The following NIPSNAP2 variants were observed in gnomAD, a reference collection of about 807,000 sequenced individuals.
The protein encoded by NIPSNAP2 is protein NipSnap homolog 2.
Under a neutral mutation model 48.4 loss-of-function variants are expected in NIPSNAP2, and 42 were observed. The observed-to-expected ratio is 0.87, with a 90% confidence interval of 0.68 to 1.12. The LOEUF (loss-of-function observed/expected upper bound fraction) is 1.12. Among genes scored for constraint, NIPSNAP2 ranks in the 50% most tolerant of loss-of-function variants. The pLI is 0.00. For missense variants in NIPSNAP2, 314 were observed against 347.3 expected, an observed-to-expected ratio of 0.90 and a Z score of 0.76; for synonymous variants, 158 against 126.6, an observed-to-expected ratio of 1.25 and a Z score of -1.67.
Position 55,970,754 on chromosome 7 carries a change from C to T in NIPSNAP2, c.92+6053C>T, listed in dbSNP as rs540847733. 2.0e-4 allele frequency among the ~76,000 whole-genome samples: 31 copies of T among 152,270 alleles called. No individual in the cohort carries two copies. In the South Asian group the frequency reaches 6.4e-3, roughly 32 times the overall value. On this transcript the variant is annotated intron_variant, in intron 1 of 9. Transcript: ENST00000322090. ...ATTCCAGACATATGCCATTCAGTGTCATGACTCCATGTCCCTGTACATGTT... is the reference window on the plus strand; with the variant it reads ...ATTCCAGACATATGCCATTCAGTGTTATGACTCCATGTCCCTGTACATGTT...
chr7:55,993,448 G>A (rs191888691), intron 7 of NIPSNAP2, among the ~76,000 whole-genome samples: 1 of 152,056 alleles, frequency 6.6e-6, no homozygotes, highest in East Asian at 1.9e-4. Context: ...ACGTGGTGGT[G>A]GGCGCCTGTA....
At chr7:55,988,599 C>G (rs1787378959) in intron 7 of NIPSNAP2, among the ~76,000 whole-genome samples, 1 of 152,124 alleles carries the variant, frequency 6.6e-6, no homozygotes, top group Non-Finnish European at 1.5e-5. Flanking sequence ...GTGGTTCACG[C>G]CTGTAATCCC....
At chr7:55,982,613 T>G (rs929337350) in intron 5 of NIPSNAP2, among the ~76,000 whole-genome samples, 8 of 151,786 alleles carry the variant, frequency 5.3e-5, no homozygotes, top group Non-Finnish European at 1.0e-4. Flanking sequence ...TTAGCCGGGC[T>G]TGGTGGCAGG....
At chr7:55,991,409 C>G (rs933740908) in intron 7 of NIPSNAP2, among the ~76,000 whole-genome samples, 3 of 152,006 alleles carry the variant, frequency 2.0e-5, no homozygotes, top group African/African-American at 7.2e-5. Flanking sequence ...AAGACTCGCT[C>G]GCCGTGGAAT....
chr7:55,975,411 A>G (rs188747293), intron 1 of NIPSNAP2, among the ~76,000 whole-genome samples: 26 of 152,130 alleles, frequency 1.7e-4, no homozygotes, highest in African/African-American at 4.6e-4. Context: ...GGCCAGAGGT[A>G]AGATCACCAA....
intron 6 of NIPSNAP2, among the ~76,000 whole-genome samples, 197 bp from the exon 7 acceptor site, chr7:55,984,650 C>T (rs1439746591): frequency 1.4e-5 from 2 of 145,260 alleles, no homozygotes; most frequent in Non-Finnish European, 3.0e-5. Context: ...ACCCAGGAGG[C>T]GGAGGTTTCA....
intron 3 of NIPSNAP2, chr7:55,980,516 C>T (rs907056375): frequency 6.6e-6 from 1 of 152,146 alleles, no homozygotes; most frequent in Non-Finnish European, 1.5e-5. Flanking sequence ...CCTTTTGCAT[C>T]CATTGTTGAA....
At position 55,964,663 on chromosome 7, in the gene NIPSNAP2, G is replaced by A. The variant is rs1462110042; in HGVS notation, c.54G>A (p.Leu18=). The part of the protein sequence containing the change: ...ARGAAWAGGL[L]QRAAPCSLLP... ...GAGCGGCCTGGGCCGGCGGCCTCCT[G>A]CAGCGGGCGGCCCCCTGCAGCCTCC... Residue 18 remains leucine (L), a synonymous_variant, in exon 1 of 10, where the codon CTG becomes CTA. Coordinates refer to ENST00000322090, the MANE Select transcript of NIPSNAP2 (RefSeq NM_001483.3). 1.8e-6 allele frequency: 2 copies of A among 1,114,144 alleles called. No individual in the cohort carries two copies. The highest frequency in any genetic ancestry group is 8.6e-5 in the South Asian group (2 of 23,268). The allele number at this position is 1,114,144 out of a possible 1,614,324, so 69.0% of individuals were successfully genotyped here. A position where few individuals can be genotyped will look rare whatever the true frequency, so the allele number is the denominator to read the frequency against.
At position 55,964,611 on chromosome 7, in the gene NIPSNAP2, T is replaced by TGGCGGCGCGAG. The variant is rs1786849901; in HGVS notation, c.3_13dup (p.Val5?). On this transcript the variant is annotated frameshift_variant and start_lost, in exon 1 of 10. Coordinates refer to ENST00000322090, the MANE Select transcript of NIPSNAP2 (RefSeq NM_001483.3). LOFTEE classifies it high-confidence loss of function. ...GTGGGAGCCGAGGCGCCGAGCAAGA[T>TGGCGGCGCGAG]GGCGGCGCGAGTGCTGCGCGCCCGC... 1 of 1,034,126 alleles carries TGGCGGCGCGAG rather than the reference T, an allele frequency of 9.7e-7. No homozygotes were observed. Among genetic ancestry groups the TGGCGGCGCGAG allele is most frequent in the South Asian group, 4.4e-5 (1 of 22,494 alleles). The allele number at this position is 1,034,126 out of a possible 1,614,324, so 64.1% of individuals were successfully genotyped here. A position where few individuals can be genotyped will look rare whatever the true frequency, so the allele number is the denominator to read the frequency against.
intron 7 of NIPSNAP2, among the ~76,000 whole-genome samples, chr7:55,990,236 T>C (rs545266904): frequency 4.1e-4 from 62 of 150,516 alleles, no homozygotes; most frequent in African/African-American, 1.2e-3. Flanking sequence ...CTTTTCTTTT[T>C]TTTTTTTTTT....
At position 55,994,842 on chromosome 7, in the gene NIPSNAP2, C is replaced by T. The variant is rs367627992; in HGVS notation, c.618-52C>T. 9.8e-4 allele frequency: 1,436 copies of T among 1,459,448 alleles called. 5 individuals are homozygous for T. Among genetic ancestry groups the T allele is most frequent in the Non-Finnish European group, 1.3e-3 (1,315 of 1,038,742 alleles). 90.4% of individuals were successfully genotyped at this position (1,459,448 alleles called of 1,614,324 possible). ...GGTGAAGGTTTAGTCTACCGATTCT[C>T]GTTAGCGTATCTAATTCAGTGTCTT... On this transcript the variant is annotated intron_variant, in intron 7 of 9. Coordinates refer to ENST00000322090, the MANE Select transcript of NIPSNAP2 (RefSeq NM_001483.3).
Position 55,999,697 on chromosome 7 carries a change from T to G in NIPSNAP2, c.*625T>G, listed in dbSNP as rs1787640307. On this transcript the variant is annotated 3_prime_UTR_variant, in exon 10 of 10. Coordinates refer to ENST00000322090, the MANE Select transcript of NIPSNAP2 (RefSeq NM_001483.3). ...CACATCATGTATTGTGATGTTTCAA[T>G]GTGAGACACAAAAACAATGGCTTGA... is the stretch of plus-strand genomic sequence containing the variant. 6.6e-6 allele frequency: 1 copy of G among 152,394 alleles called. No homozygotes were observed. The highest frequency in any genetic ancestry group is 6.5e-5 in the Admixed American group (1 of 15,272). The allele number at this position is 152,394 out of a possible 1,614,324, so 9.4% of individuals were successfully genotyped here.
intron 1 of NIPSNAP2, 108 bp from the exon 2 acceptor site, chr7:55,978,018 C>G (rs1787135339): frequency 7.9e-7 from 1 of 1,260,070 alleles, no homozygotes; most frequent in South Asian, 1.4e-5. Flanking sequence ...CTTTGGTAGC[C>G]CAGGTTCTGG....
At chr7:55,971,281 G>A (rs1288739246) in intron 1 of NIPSNAP2, among the ~76,000 whole-genome samples, 1 of 152,144 alleles carries the variant, frequency 6.6e-6, no homozygotes, top group East Asian at 1.9e-4. Flanking sequence ...GGTAGTACTG[G>A]CCGGCTTGTT....
chr7:55,966,540 T>G (rs1025690717), intron 1 of NIPSNAP2, among the ~76,000 whole-genome samples: 2 of 152,134 alleles, frequency 1.3e-5, no homozygotes, highest in Non-Finnish European at 2.9e-5. Flanking sequence ...CCCAGCACTT[T>G]GGGAGGCCGA....
intron 7 of NIPSNAP2, among the ~76,000 whole-genome samples, chr7:55,985,470 C>T (rs1217532148): frequency 6.6e-6 from 1 of 152,120 alleles, no homozygotes; most frequent in Non-Finnish European, 1.5e-5. Flanking sequence ...TGCACTGTGG[C>T]TCATGCCTGT....
At chr7:55,972,057 G>A (rs1441165084) in intron 1 of NIPSNAP2, among the ~76,000 whole-genome samples, 1 of 152,112 alleles carries the variant, frequency 6.6e-6, no homozygotes, top group African/African-American at 2.4e-5. Flanking sequence ...TATAATTCCA[G>A]CACTTTGGGA....
chr7:55,995,218 AAG>A (rs1491545260), intron 8 of NIPSNAP2, among the ~76,000 whole-genome samples: 1 of 147,242 alleles, frequency 6.8e-6, no homozygotes, highest in Non-Finnish European at 1.5e-5. Context: ...GGAAAGGAAT[AAG>A]GGGTAAAGCA....
At chr7:55,977,978 T>G in intron 1 of NIPSNAP2, 148 bp from the exon 2 acceptor site, 1 of 774,832 alleles carries the variant, frequency 1.3e-6, no homozygotes, top group Non-Finnish European at 2.1e-6. Context: ...CTTCTTGGAG[T>G]GCATGCTGTT....
Sources: allele counts gnomAD v4.1 joint callset (sites outside exome capture counted in the v4.1 genomes callset), GRCh38; gene constraint gnomAD v4.1.1; transcripts MANE v1.5; gene names NCBI Gene and HGNC (gene_info 2026-07-23, HGNC 2026-07-21).